CFAP221: variants seen among roughly 807,000 people sequenced by gnomAD.
CFAP221 encodes the protein cilia- and flagella-associated protein 221.
In CFAP221, 97 loss-of-function variants were observed where a neutral mutation model predicts 113.1. The ratio of observed to expected loss-of-function variants is 0.86; its 90% CI spans 0.73 to 1.02. CFAP221 has a LOEUF of 1.02. Among genes scored for constraint, CFAP221 ranks in the 50% least tolerant of loss-of-function variants. CFAP221 has a pLI of 0.00. For missense variants in CFAP221, 1,025 were observed against 1,013.4 expected (o/e 1.01, Z -0.16); for synonymous variants, 331 against 354.4 (o/e 0.93, Z 0.74).
chr2:119,557,147 T>C (rs1680866839), intron 3 of CFAP221: 1 of 152,176 alleles, frequency 6.6e-6, no homozygotes, highest in Non-Finnish European at 1.5e-5. Flanking sequence ...ATGTCGCTTG[T>C]TGGAAACTGA....
At chr2:119,635,666 G>A (rs1212431349) in intron 19 of CFAP221, among the ~76,000 whole-genome samples, 3 of 152,194 alleles carry the variant, frequency 2.0e-5, no homozygotes, top group Non-Finnish European at 4.4e-5. Context: ...ATTTAAATGT[G>A]TCATTTATTA....
intron 21 of CFAP221, among the ~76,000 whole-genome samples, chr2:119,644,700 A>G (rs952545377): frequency 2.0e-5 from 3 of 152,188 alleles, no homozygotes; most frequent in African/African-American, 4.8e-5. Flanking sequence ...ACACAAAGAT[A>G]TATGCAACAT....
At chr2:119,624,261 A>G (rs1189328415) in intron 14 of CFAP221, among the ~76,000 whole-genome samples, 1 of 152,236 alleles carries the variant, frequency 6.6e-6, no homozygotes, top group Non-Finnish European at 1.5e-5. Flanking sequence ...CAACAAACAT[A>G]TGAAAAACAG....
chr2:119,604,176 A>G (rs1056901335), intron 8 of CFAP221, among the ~76,000 whole-genome samples: 2 of 152,188 alleles, frequency 1.3e-5, no homozygotes, highest in Admixed American at 6.5e-5. Context: ...ATGTAAAGCA[A>G]TGTAATCCCA....
chr2:119,606,456 A>G (rs1684773650), intron 11 of CFAP221, among the ~76,000 whole-genome samples: 1 of 152,016 alleles, frequency 6.6e-6, no homozygotes, highest in African/African-American at 2.4e-5. Flanking sequence ...TCTCTGGGGA[A>G]TGGCCCTTGT....
chr2:119,551,544 C>G (rs1284558393), intron 3 of CFAP221, among the ~76,000 whole-genome samples: 1 of 152,152 alleles, frequency 6.6e-6, no homozygotes, highest in South Asian at 2.1e-4. Flanking sequence ...TCTTGGCCCT[C>G]TTGCTGAAAA....
intron 3 of CFAP221, among the ~76,000 whole-genome samples, chr2:119,550,394 T>A (rs1350666675): frequency 8.5e-5 from 13 of 152,198 alleles, no homozygotes; most frequent in Admixed American, 8.5e-4. Context: ...TGAATCCTTA[T>A]ACAATGAAGT....
intron 21 of CFAP221, among the ~76,000 whole-genome samples, chr2:119,640,826 G>C (rs1292117188): frequency 6.6e-6 from 1 of 152,140 alleles, no homozygotes; most frequent in Non-Finnish European, 1.5e-5. Flanking sequence ...AACTCACCAG[G>C]GAGGCTACAT....
intron 11 of CFAP221, among the ~76,000 whole-genome samples, chr2:119,606,255 C>G (rs1454255763): frequency 6.6e-6 from 1 of 151,866 alleles, no homozygotes; most frequent in Non-Finnish European, 1.5e-5. Context: ...CCTGCTTGAC[C>G]TCCCAAAGTG....
chr2:119,635,601 T>C (rs900393805), intron 19 of CFAP221, among the ~76,000 whole-genome samples: 1 of 152,192 alleles, frequency 6.6e-6, no homozygotes, highest in African/African-American at 2.4e-5. Flanking sequence ...ATGTTCATTA[T>C]GTTTATGACG....
At chr2:119,645,198 T>G (rs936649452) in intron 21 of CFAP221, among the ~76,000 whole-genome samples, 4 of 151,948 alleles carry the variant, frequency 2.6e-5, no homozygotes, top group Non-Finnish European at 5.9e-5. Context: ...AGTATTATGA[T>G]TTGTTTCAGT....
intron 6 of CFAP221, among the ~76,000 whole-genome samples, chr2:119,566,027 T>C (rs1012994587): frequency 6.6e-6 from 1 of 152,188 alleles, no homozygotes; most frequent in Non-Finnish European, 1.5e-5. Flanking sequence ...CCTGGTACCA[T>C]GACTAAATAG....
At chr2:119,644,924 A>G (rs1041254973) in intron 21 of CFAP221, among the ~76,000 whole-genome samples, 6 of 152,008 alleles carry the variant, frequency 3.9e-5, no homozygotes, top group South Asian at 2.1e-4. Context: ...ATCAAAAATC[A>G]TTTCAGAATT....
intron 7 of CFAP221, among the ~76,000 whole-genome samples, chr2:119,591,864 G>A (rs1683622365): frequency 6.6e-6 from 1 of 152,110 alleles, no homozygotes. Context: ...CTGGTCTGGG[G>A]TAGGTGCTGT....
intron 14 of CFAP221, among the ~76,000 whole-genome samples, chr2:119,621,280 A>G (rs939766525): frequency 5.3e-5 from 8 of 152,054 alleles, no homozygotes; most frequent in African/African-American, 1.4e-4. Flanking sequence ...CAGACTTTAA[A>G]CCGACAAAGA....
chr2:119,553,139 C>T (rs1182702597), intron 3 of CFAP221, among the ~76,000 whole-genome samples: 2 of 152,124 alleles, frequency 1.3e-5, no homozygotes, highest in African/African-American at 2.4e-5. Flanking sequence ...ATGAGGAAGT[C>T]CAAAGAAAAT....
chr2:119,632,701 CA>C (rs34915791), intron 19 of CFAP221, among the ~76,000 whole-genome samples: 69,325 of 109,762 alleles, frequency 0.63, 18,336 homozygotes, highest in East Asian at 0.68. Flanking sequence ...TCTTTATTTA[CA>C]AAAAAAAAAA....
chr2:119,609,059 G>A (rs1684971196), intron 12 of CFAP221, among the ~76,000 whole-genome samples: 1 of 152,192 alleles, frequency 6.6e-6, no homozygotes, highest in Non-Finnish European at 1.5e-5. Context: ...GCAGAAAAAG[G>A]GAAAGTGGGC....
rs1213740584 is a variant in CFAP221, at chr2:119,646,953, C to G, written c.2226-5C>G. The stretch of plus-strand genomic sequence containing the variant: ...TCTTTGACTGCTTGTGTGGTTTTTC[C>G]ACAGCTGCGATTCCTTCAATTCATT... On this transcript the variant is annotated splice_region_variant and splice_polypyrimidine_tract_variant and intron_variant, in intron 21 of 23. Coordinates refer to ENST00000413369, the MANE Select transcript of CFAP221 (RefSeq NM_001271049.2). 1.2e-6 allele frequency: 2 copies of G among 1,612,108 alleles called. No homozygotes were observed. Among genetic ancestry groups the G allele is most frequent in the Non-Finnish European group, 1.7e-6 (2 of 1,178,810 alleles).
Sources: allele counts gnomAD v4.1 joint callset (sites outside exome capture counted in the v4.1 genomes callset), GRCh38; gene constraint gnomAD v4.1.1; transcripts MANE v1.5; gene names NCBI Gene and HGNC (gene_info 2026-07-23, HGNC 2026-07-21).